TAFA1: variants seen among roughly 807,000 people sequenced by gnomAD.
TAFA1 encodes TAFA chemokine like family member 1, also known as chemokine-like protein TAFA-1.
Under a neutral mutation model 18.5 loss-of-function variants are expected in TAFA1, and 4 were observed. The ratio of observed to expected loss-of-function variants is 0.22; its 90% CI spans 0.11 to 0.49. The LOEUF is 0.49. Ranked by LOEUF, TAFA1 falls within the 20% of genes least tolerant of loss-of-function variation. The pLI, the probability that TAFA1 is intolerant of heterozygous loss-of-function variation, is 0.98. For missense variants in TAFA1, 147 were observed against 169.0 expected, an observed-to-expected ratio of 0.87 and a Z score of 0.72; for synonymous variants, 56 against 55.2, an observed-to-expected ratio of 1.01 and a Z score of -0.06.
At chr3:68,330,439 G>A (rs890734613) in intron 2 of TAFA1, among the ~76,000 whole-genome samples, 1 of 152,172 alleles carries the variant, frequency 6.6e-6, no homozygotes, top group Non-Finnish European at 1.5e-5. Context: ...AGGGGGATCT[G>A]GAGAGCTATA....
intron 3 of TAFA1, among the ~76,000 whole-genome samples, chr3:68,463,413 T>C (rs2071822688): frequency 6.6e-6 from 1 of 152,188 alleles, no homozygotes; most frequent in Non-Finnish European, 1.5e-5. Context: ...AAGGTTTTCA[T>C]CAAAAAGTTT....
At chr3:67,994,349 C>T in the TAFA1 span, among the ~76,000 whole-genome samples, 1 of 152,180 alleles carries the variant, frequency 6.6e-6, no homozygotes, top group African/African-American at 2.4e-5. Flanking sequence ...ACTGTGTTGC[C>T]TTACACAGGG....
Position 68,341,397 on chromosome 3 carries a change from G to T in TAFA1, c.119-75883G>T, listed in dbSNP as rs200944900. Among the ~76,000 whole-genome samples, 5 of 152,030 alleles carry T rather than the reference G, an allele frequency of 3.3e-5. No individual in the cohort carries two copies. In the East Asian group the frequency reaches 9.6e-4, roughly 29 times the overall value. ...GTGTCAGCTGGTGCACCCAGTGCAG[G>T]GTCTGCAAAATATCTCAAACACTGA... On this transcript the variant is annotated intron_variant, in intron 2 of 4. Transcript: ENST00000478136.
intron 3 of TAFA1, among the ~76,000 whole-genome samples, chr3:68,529,813 A>G (rs1336835119): frequency 2.0e-5 from 3 of 152,176 alleles, no homozygotes; most frequent in Non-Finnish European, 4.4e-5. Context: ...TGACCTGTTC[A>G]TGAGAGATCC....
At chr3:68,347,305 C>T (rs1160718919) in intron 2 of TAFA1, among the ~76,000 whole-genome samples, 1 of 152,194 alleles carries the variant, frequency 6.6e-6, no homozygotes, top group African/African-American at 2.4e-5. Flanking sequence ...GCTATCCGCT[C>T]CCTTGCTTTC....
chr3:68,373,985 A>G (rs1209864086), intron 2 of TAFA1, among the ~76,000 whole-genome samples: 2 of 152,136 alleles, frequency 1.3e-5, no homozygotes, highest in Admixed American at 6.6e-5. Flanking sequence ...AATACAACAC[A>G]AGGAGGAAAT....
intron 3 of TAFA1, among the ~76,000 whole-genome samples, chr3:68,498,451 A>T (rs1259709625): frequency 6.6e-6 from 1 of 152,186 alleles, no homozygotes; most frequent in African/African-American, 2.4e-5. Context: ...CAGCTGTGCA[A>T]AATATGAATA....
chr3:68,040,886 G>A (rs1048060702), intron 2 of TAFA1, among the ~76,000 whole-genome samples: 1 of 152,172 alleles, frequency 6.6e-6, no homozygotes, highest in Non-Finnish European at 1.5e-5. Flanking sequence ...GAGCAAAGTA[G>A]TAAATTCCTT....
At chr3:68,150,770 A>T (rs1440205660) in intron 2 of TAFA1, among the ~76,000 whole-genome samples, 1 of 152,160 alleles carries the variant, frequency 6.6e-6, no homozygotes, top group African/African-American at 2.4e-5. Flanking sequence ...AAAAAATTTT[A>T]AAATGTTTCT....
chr3:68,357,919 T>C (rs962740377), intron 2 of TAFA1, among the ~76,000 whole-genome samples: 3 of 151,976 alleles, frequency 2.0e-5, no homozygotes, highest in Non-Finnish European at 4.4e-5. Flanking sequence ...GATAGAATAA[T>C]ATCAGATTAC....
intron 2 of TAFA1, chr3:68,144,875 A>C (rs761760014): frequency 1.1e-5 from 7 of 641,930 alleles, no homozygotes; most frequent in Non-Finnish European, 2.0e-5. Flanking sequence ...TTACATTTAC[A>C]TTCCATTTCC....
intron 2 of TAFA1, among the ~76,000 whole-genome samples, chr3:68,045,729 C>G (rs1705254584): frequency 6.6e-6 from 1 of 152,148 alleles, no homozygotes; most frequent in Admixed American, 6.6e-5. Context: ...AGTGGTGGCA[C>G]AGATGATGTG....
intron 2 of TAFA1, among the ~76,000 whole-genome samples, chr3:68,409,702 T>G (rs1265319017): frequency 6.6e-6 from 1 of 152,090 alleles, no homozygotes; most frequent in African/African-American, 2.4e-5. Context: ...AATGTCCAAT[T>G]CCCTGGCAGA....
chr3:68,248,089 A>G (rs576944191), intron 2 of TAFA1, among the ~76,000 whole-genome samples: 1 of 152,348 alleles, frequency 6.6e-6, no homozygotes, highest in South Asian at 2.1e-4. Context: ...TTCTCATATT[A>G]AGGTTTAGAC....
chr3:68,019,902 A>G (rs928776031), intron 2 of TAFA1, among the ~76,000 whole-genome samples: 7 of 152,182 alleles, frequency 4.6e-5, no homozygotes, highest in African/African-American at 1.4e-4. Flanking sequence ...ATCAATTACT[A>G]TATGCTTTGT....
chr3:68,476,873 A>G (rs1575903508), intron 3 of TAFA1, among the ~76,000 whole-genome samples: 1 of 152,314 alleles, frequency 6.6e-6, no homozygotes, highest in Admixed American at 6.5e-5. Context: ...AGTATGTTCT[A>G]TCATAATGGT....
chr3:68,089,722 G>A (rs755454512), intron 2 of TAFA1, among the ~76,000 whole-genome samples: 12 of 152,242 alleles, frequency 7.9e-5, no homozygotes, highest in Non-Finnish European at 1.8e-4. Context: ...AACTAGAAAA[G>A]CCTGTGTAGT....
intron 2 of TAFA1, among the ~76,000 whole-genome samples, chr3:68,125,989 C>T (rs1371833875): frequency 2.0e-5 from 3 of 152,020 alleles, no homozygotes; most frequent in African/African-American, 7.3e-5. Flanking sequence ...TCTCAGGAAC[C>T]CCTGACGCCT....
chr3:68,375,696 T>A (rs2069796930), intron 2 of TAFA1, among the ~76,000 whole-genome samples: 1 of 152,208 alleles, frequency 6.6e-6, no homozygotes, highest in Non-Finnish European at 1.5e-5. Flanking sequence ...CAGTAATAAC[T>A]AATACTTTTT....
Sources: gnomAD v4.1 joint callset for allele counts (sites outside exome capture counted in the v4.1 genomes callset) on GRCh38, gnomAD v4.1.1 for gene constraint, MANE v1.5 for transcripts, NCBI Gene and HGNC (gene_info 2026-07-23, HGNC 2026-07-21) for gene names.